The following SP140L variants were observed in gnomAD, a reference collection of about 807,000 sequenced individuals.
SP140L encodes nuclear body protein SP140-like protein.
Under a neutral mutation model 84.3 loss-of-function variants are expected in SP140L, and 64 were observed. The observed-to-expected ratio is 0.76, with a 90% CI of 0.62 to 0.94. SP140L has a LOEUF of 0.94. SP140L is among the 40% of genes least tolerant of loss of function. SP140L has a pLI of 0.00. For missense variants in SP140L, 628 were observed against 692.5 expected (o/e 0.91, Z 1.05); for synonymous variants, 242 against 236.9 (o/e 1.02, Z -0.20).
chr2:230,373,627 G>A (rs755182338), intron 7 of SP140L, among the ~76,000 whole-genome samples: 9 of 152,254 alleles, frequency 5.9e-5, no homozygotes, highest in Middle Eastern at 3.4e-3. Context: ...GACAGTGCAC[G>A]TAGTCATACA....
chr2:230,372,931 A>C (rs1442606623), intron 7 of SP140L, among the ~76,000 whole-genome samples: 1 of 152,214 alleles, frequency 6.6e-6, no homozygotes, highest in East Asian at 1.9e-4. Context: ...TGAACACTTT[A>C]ATGATAAAGC....
chr2:230,396,743 T>C lies in SP140L; in HGVS notation c.1156-14T>C, dbSNP rs1010958209. 2 of 1,613,488 alleles carry C rather than the reference T, an allele frequency of 1.2e-6. No individual in the cohort carries two copies. The highest frequency in any genetic ancestry group is 8.5e-7 in the Non-Finnish European group (1 of 1,179,650). ...ATTCAATATCATAAATCAATCTTTCTGTTTTTTCAACAGAGAATACTGAAG... is the reference window on the plus strand; with the variant it reads ...ATTCAATATCATAAATCAATCTTTCCGTTTTTTCAACAGAGAATACTGAAG... On this transcript the variant is annotated splice_polypyrimidine_tract_variant and intron_variant, in intron 13 of 18. Coordinates refer to ENST00000415673, the MANE Select transcript of SP140L (RefSeq NM_138402.6).
intron 5 of SP140L, among the ~76,000 whole-genome samples, chr2:230,362,612 A>C (rs2060752448): frequency 6.9e-6 from 1 of 144,046 alleles, no homozygotes; most frequent in Admixed American, 7.1e-5. Context: ...TTAACAGCTC[A>C]CTTTGATTAA....
intron 7 of SP140L, among the ~76,000 whole-genome samples, chr2:230,375,659 G>A (rs550014733): frequency 1.2e-4 from 18 of 152,250 alleles, no homozygotes; most frequent in African/African-American, 4.3e-4. Context: ...GTGATATTGA[G>A]TGCTTTTTTA....
In SP140L at chr2:230,403,210, G is replaced by GT. The variant is rs567912354; in HGVS notation, c.*324dup. 1,747 of 204,728 alleles carry GT rather than the reference G, an allele frequency of 8.5e-3. 2 individuals carry two copies. Among genetic ancestry groups the GT allele is most frequent in the Middle Eastern group, 0.02 (11 of 554 alleles). 12.7% of individuals were successfully genotyped at this position (204,728 alleles called of 1,614,324 possible). On this transcript the variant is annotated 3_prime_UTR_variant, in exon 19 of 19. Transcript: ENST00000415673. ...ATTACTCACAAGACCTTTTTCCTCCGTTTTTTTTTTGAGATGGAGTCTCAC... is the reference window on the plus strand; with the variant it reads ...ATTACTCACAAGACCTTTTTCCTCCGTTTTTTTTTTTGAGATGGAGTCTCAC...
intron 2 of SP140L, 115 bp from the exon 3 acceptor site, chr2:230,357,690 C>T: frequency 9.8e-7 from 1 of 1,022,344 alleles, no homozygotes; most frequent in Non-Finnish European, 1.4e-6. Flanking sequence ...TGAGGACCAC[C>T]TATTTTATAT....
chr2:230,373,955 G>T (rs2061165741), intron 7 of SP140L, among the ~76,000 whole-genome samples: 1 of 152,184 alleles, frequency 6.6e-6, no homozygotes, highest in Admixed American at 6.5e-5. Flanking sequence ...CCTTATTGAT[G>T]ACTTTGATGG....
chr2:230,385,414 C>A, intron 9 of SP140L, 110 bp downstream of exon 9: 1 of 994,120 alleles, frequency 1.0e-6, no homozygotes, highest in African/African-American at 1.6e-5. Flanking sequence ...TAGTCAATTT[C>A]AGAGCAGTGA....
chr2:230,383,623 G>T (rs377061265), intron 8 of SP140L, 48 bp downstream of exon 8: 125 of 1,547,410 alleles, frequency 8.1e-5, no homozygotes, highest in Non-Finnish European at 1.0e-4. Context: ...TTATTAAGGC[G>T]CTGTCCATTG....
intron 5 of SP140L, among the ~76,000 whole-genome samples, chr2:230,363,983 GCA>G (rs1159067286): frequency 6.6e-6 from 1 of 151,960 alleles, no homozygotes; most frequent in Non-Finnish European, 1.5e-5. Flanking sequence ...GACCAAAAAT[GCA>G]TGGATTCAAG....
chr2:230,401,480 A>C (rs752076880), intron 17 of SP140L, 37 bp downstream of exon 17: 1 of 1,352,992 alleles, frequency 7.4e-7, no homozygotes, highest in East Asian at 2.3e-5. Context: ...ACAGGCTGCC[A>C]TGACATTACC....
chr2:230,388,895 T>C, intron 10 of SP140L: 1 of 330,468 alleles, frequency 3.0e-6, no homozygotes, highest in South Asian at 4.6e-5. Flanking sequence ...ATTTCAAGGC[T>C]GAAGATAGGC....
chr2:230,327,655 A>G (rs2059616647), intron 1 of SP140L, among the ~76,000 whole-genome samples: 1 of 152,200 alleles, frequency 6.6e-6, no homozygotes, highest in South Asian at 2.1e-4. Context: ...TTGTGTTTCA[A>G]CAAACATTTC....
intron 9 of SP140L, among the ~76,000 whole-genome samples, chr2:230,388,207 CAT>C (rs1404719994): frequency 7.9e-5 from 12 of 151,946 alleles, no homozygotes; most frequent in Admixed American, 5.9e-4. Flanking sequence ...TATTATATGC[CAT>C]ATATATATTT....
chr2:230,359,962 G>T (rs879335015), intron 4 of SP140L, among the ~76,000 whole-genome samples: 1 of 152,090 alleles, frequency 6.6e-6, no homozygotes, highest in African/African-American at 2.4e-5. Context: ...CTAAAGTTTG[G>T]TATTGGTGCT....
intron 14 of SP140L, among the ~76,000 whole-genome samples, chr2:230,398,671 G>T (rs2062169912): frequency 6.6e-6 from 1 of 152,212 alleles, no homozygotes; most frequent in South Asian, 2.1e-4. Flanking sequence ...CCAGATCACG[G>T]GAGAAGGATT....
At chr2:230,397,339 C>G (rs1370149221) in intron 14 of SP140L, among the ~76,000 whole-genome samples, 4 of 152,150 alleles carry the variant, frequency 2.6e-5, no homozygotes, top group Non-Finnish European at 5.9e-5. Context: ...ACATACAGGA[C>G]AAGAGGTCCT....
intron 2 of SP140L, among the ~76,000 whole-genome samples, chr2:230,335,042 ACTC>A (rs894032840): frequency 1.6e-4 from 24 of 151,400 alleles, no homozygotes; most frequent in African/African-American, 4.8e-4. Context: ...CATTTTTTAA[ACTC>A]CTAACGTTGT....
intron 5 of SP140L, among the ~76,000 whole-genome samples, chr2:230,369,931 A>G (rs6436928): frequency 0.91 from 136,911 of 151,184 alleles, 62,964 homozygotes; most frequent in African/African-American, 0.98. Context: ...ACGCCACCAC[A>G]CCCAGCTAAT....
Sources: allele counts gnomAD v4.1 joint callset (sites outside exome capture counted in the v4.1 genomes callset), GRCh38; gene constraint gnomAD v4.1.1; transcripts MANE v1.5; gene names NCBI Gene and HGNC (gene_info 2026-07-23, HGNC 2026-07-21).